NKTR: variants seen among roughly 807,000 people sequenced by gnomAD.
NKTR encodes the protein natural killer cell triggering receptor.
NKTR carries 67 observed loss-of-function variants against 156.3 expected under a neutral mutation model. That is an observed-to-expected ratio of 0.43 (90% confidence interval 0.35 to 0.53). NKTR has a LOEUF of 0.53. Ranked by LOEUF, NKTR falls within the 20% of genes least tolerant of loss-of-function variation. The probability of loss-of-function intolerance (pLI) is 0.01; values close to 1 mark genes in which losing one functional copy is unlikely to be tolerated. For synonymous variants in NKTR, 640 were observed against 596.6 expected, an observed-to-expected ratio of 1.07 and a Z score of -1.06; for missense variants, 1,604 against 1,730.9, an observed-to-expected ratio of 0.93 and a Z score of 1.30.
In NKTR at chr3:42,632,645, G is replaced by C; in HGVS notation, c.595G>C (p.Asp199His). The change falls in exon 9 of 17, where the codon GAT (aspartate) becomes CAT (histidine). Residue 199 changes from aspartate to histidine, a missense_variant. Physicochemically the swap from Asp to His is moderately conservative, Grantham distance 81. Coordinates refer to ENST00000232978, the MANE Select transcript of NKTR (RefSeq NM_005385.4). ...GAAACCAACTCATTCAGAAGGCTCGGATTCCTCTTCCAATTCCTCCTCTTC... is the reference window on the plus strand; with the variant it reads ...GAAACCAACTCATTCAGAAGGCTCGCATTCCTCTTCCAATTCCTCCTCTTC... ...RKKPTHSEGS[D>H]SSSNSSSSSE... 6.2e-7 allele frequency: 1 copy of C among 1,613,820 alleles called. No homozygotes were observed. Among genetic ancestry groups the C allele is most frequent in the Non-Finnish European group, 8.5e-7 (1 of 1,179,926 alleles).
At chr3:42,631,437 TAC>T in intron 8 of NKTR, 121 bp downstream of exon 8, 1 of 1,102,896 alleles carries the variant, frequency 9.1e-7, no homozygotes, top group African/African-American at 1.6e-5. Context: ...CCCTGAATCA[TAC>T]CCTACATGTT....
At chr3:42,626,129 T>G (rs1708362108) in intron 6 of NKTR, among the ~76,000 whole-genome samples, 1 of 152,008 alleles carries the variant, frequency 6.6e-6, no homozygotes, top group South Asian at 2.1e-4. Context: ...GTTATCTTTA[T>G]TTCCCTCTTC....
rs545576184 is a variant in NKTR at position 42,625,714 on chromosome 3, T to G, written c.374+4198T>G. On this transcript the variant is annotated intron_variant, in intron 6 of 16. Transcript: ENST00000232978. ...GCTCTAGCTTTTTCCTTCCTTTTTT[T>G]GGGGTAATACCTTCATATGTTAATT... Among the ~76,000 whole-genome samples the G allele has an allele frequency of 8.2e-3, 1,242 of 152,282 alleles. 17 individuals carry two copies. The highest frequency in any genetic ancestry group is 0.028 in the African/African-American group (1,163 of 41,562).
chr3:42,610,870 A>G (rs556904939), intron 2 of NKTR, among the ~76,000 whole-genome samples: 1 of 152,194 alleles, frequency 6.6e-6, no homozygotes, highest in Non-Finnish European at 1.5e-5. Context: ...TCTATATCTA[A>G]AGAATTAATA....
rs1415752473 is a variant in NKTR at position 42,637,614 on chromosome 3, A to G, written c.1910A>G (p.Lys637Arg). The change falls in exon 13 of 17, where the codon AAA becomes AGA. Residue 637 changes from lysine (K) to arginine (R), a missense_variant. Coordinates refer to ENST00000232978, the MANE Select transcript of NKTR (RefSeq NM_005385.4). ...KPSYERIQEMKAKTTHLLPIQ... is the reference protein window; with the variant it reads ...KPSYERIQEMRAKTTHLLPIQ... The stretch of plus-strand genomic sequence containing the variant: ...TCTTATGAGCGAATTCAGGAAATGA[A>G]AGCTAAAACAACCCATTTGCTACCC... The G allele has an allele frequency of 6.2e-7, 1 of 1,609,604 alleles. No individual in the cohort carries two copies.
rs1705309608 is a variant in NKTR, at chr3:42,600,790, G to A, written c.-24+12G>A. ...TGGAGGCCAGCCAGGTGAAGAGCTCGCCCGCATGCGTGCGCGCTGCGTGGG... is the reference window on the plus strand; with the variant it reads ...TGGAGGCCAGCCAGGTGAAGAGCTCACCCGCATGCGTGCGCGCTGCGTGGG... On this transcript the variant is annotated intron_variant, in intron 1 of 16. Transcript: ENST00000232978. 3 of 382,240 alleles carry A rather than the reference G, an allele frequency of 7.8e-6. No individual in the cohort carries two copies. Among genetic ancestry groups the A allele is most frequent in the Admixed American group, 9.4e-5 (2 of 21,284 alleles). The allele number at this position is 382,240 out of a possible 1,614,324, so 23.7% of individuals were successfully genotyped here. A position where few individuals can be genotyped will look rare whatever the true frequency, so the allele number is the denominator to read the frequency against.
chr3:42,600,661 T>G (rs186802203), upstream of NKTR: 6 of 184,170 alleles, frequency 3.3e-5, no homozygotes, highest in East Asian at 2.8e-4. Flanking sequence ...TAGCGTGGCA[T>G]TGGGAGGCCC....
chr3:42,635,907 CAA>C (rs373260157), intron 12 of NKTR, among the ~76,000 whole-genome samples: 9 of 114,098 alleles, frequency 7.9e-5, no homozygotes, highest in Non-Finnish European at 7.4e-5. Flanking sequence ...GACTCCGTCT[CAA>C]AAAAAAAAAA....
chr3:42,640,233 T>G (rs1373601163), intron 13 of NKTR, among the ~76,000 whole-genome samples: 1 of 152,256 alleles, frequency 6.6e-6, no homozygotes, highest in Non-Finnish European at 1.5e-5. Flanking sequence ...TCTTTAGATT[T>G]TTGTTGTTGT....
At chr3:42,607,920 A>T (rs1706378090) in intron 2 of NKTR, among the ~76,000 whole-genome samples, 1 of 137,804 alleles carries the variant, frequency 7.3e-6, no homozygotes, top group African/African-American at 2.7e-5. Context: ...AATCAGTTCC[A>T]CAAGACTGCT....
chr3:42,632,614 A>C lies in NKTR; in HGVS notation c.564A>C (p.Lys188Asn). Residue 188 changes from lysine to asparagine, a missense_variant, in exon 9 of 17, where the codon AAA becomes AAC. Around this residue, in one of 6 missense-constraint regions of NKTR, gnomAD observed 1,255 missense variants for 1,243.7 expected, o/e 1.01. Coordinates refer to ENST00000232978, the MANE Select transcript of NKTR (RefSeq NM_005385.4). ...TKSIKDVFEK[K>N]RKKPTHSEGS... Reference sequence around the variant, plus strand: ...GTTTCTTAAAAGTTTTTGAGAAAAAAAGGAAGAAACCAACTCATTCAGAAG... The same window carrying C: ...GTTTCTTAAAAGTTTTTGAGAAAAACAGGAAGAAACCAACTCATTCAGAAG... The C allele has an allele frequency of 1.3e-6, 2 of 1,599,038 alleles. No individual in the cohort carries two copies. Among genetic ancestry groups the C allele is most frequent in the Non-Finnish European group, 1.7e-6 (2 of 1,175,482 alleles).
At chr3:42,601,087 C>G in intron 2 of NKTR, 23 bp downstream of exon 2, 3 of 1,542,150 alleles carry the variant, frequency 1.9e-6, no homozygotes, top group Non-Finnish European at 2.6e-6. Context: ...CTGGGGAGCG[C>G]TGCTGGGGCC....
At chr3:42,643,476 TTTA>T (rs1194965271) in intron 15 of NKTR, 81 bp downstream of exon 15, 1 of 1,144,474 alleles carries the variant, frequency 8.7e-7, no homozygotes, top group Non-Finnish European at 1.3e-6. Context: ...AAAGTGGTAT[TTTA>T]TTGAGTAACT....
At chr3:42,645,137 C>T (rs1710243677) in intron 16 of NKTR, among the ~76,000 whole-genome samples, 1 of 151,834 alleles carries the variant, frequency 6.6e-6, no homozygotes, top group African/African-American at 2.4e-5. Flanking sequence ...TCATTGGACC[C>T]CATTTTGGTT....
Position 42,643,914 on chromosome 3 carries a change from C to CG in NKTR, c.4213dup (p.Asp1405GlyfsTer2). ...GCCGTTAAAGCAGGTCCTACACCTA[C>CG]GATAGCTACTATAGCAGGAGTCGGA... On this transcript the variant is annotated frameshift_variant, in exon 16 of 17. Coordinates refer to ENST00000232978, the MANE Select transcript of NKTR (RefSeq NM_005385.4). LOFTEE classifies it high-confidence loss of function. 6.2e-7 allele frequency: 1 copy of CG among 1,613,440 alleles called. No individual in the cohort carries two copies. Among genetic ancestry groups the CG allele is most frequent in the Non-Finnish European group, 8.5e-7 (1 of 1,179,518 alleles).
chr3:42,629,953 A>G (rs1050693369), intron 6 of NKTR: 13 of 985,308 alleles, frequency 1.3e-5, no homozygotes, highest in African/African-American at 1.0e-4. Flanking sequence ...TTTTCTCCCT[A>G]TCGCATTTTC....
chr3:42,635,057 TAAAAAAAAAAA>T, intron 11 of NKTR, 153 bp from the exon 12 acceptor site: 1 of 285,030 alleles, frequency 3.5e-6, no homozygotes, highest in Non-Finnish European at 6.4e-6. Context: ...AGTTAAAAAC[TAAAAAAAAAAA>T]AAAAAAAAAA....
chr3:42,628,880 T>C (rs777063517), intron 6 of NKTR: 2 of 239,152 alleles, frequency 8.4e-6, no homozygotes, highest in African/African-American at 2.3e-5. Context: ...CGCATGCCTA[T>C]AATCCCAGCT....
chr3:42,609,494 T>C (rs977908691), intron 2 of NKTR, among the ~76,000 whole-genome samples: 1 of 152,216 alleles, frequency 6.6e-6, no homozygotes, highest in Non-Finnish European at 1.5e-5. Flanking sequence ...CAAAACATCT[T>C]TGTAGATTTG....
Sources: allele counts gnomAD v4.1 joint callset (sites outside exome capture counted in the v4.1 genomes callset), GRCh38; gene constraint gnomAD v4.1.1; regional missense constraint gnomAD v4.1.1; transcripts MANE v1.5; gene names NCBI Gene and HGNC (gene_info 2026-07-23, HGNC 2026-07-21).